Variants in ZNF800 observed in about 807,000 individuals in gnomAD.
ZNF800 encodes the protein zinc finger protein 800.
Under a neutral mutation model 59.5 loss-of-function variants are expected in ZNF800, and 13 were observed. That is an observed-to-expected ratio of 0.22 (90% CI 0.14 to 0.35). The LOEUF is 0.35. Ranked by LOEUF, ZNF800 falls within the 10% of genes least tolerant of loss-of-function variation. The pLI is 1.00. For synonymous variants in ZNF800, 266 were observed against 265.7 expected, an observed-to-expected ratio of 1.00 and a Z score of -0.01; for missense variants, 621 against 783.7, an observed-to-expected ratio of 0.79 and a Z score of 2.48.
At chr7:127,383,724 T>C (rs1801043343) in intron 3 of ZNF800, among the ~76,000 whole-genome samples, 2 of 152,200 alleles carry the variant, frequency 1.3e-5, no homozygotes, top group Admixed American at 6.5e-5. Context: ...AACTAAAATT[T>C]CTTAGTTACA....
chr7:127,351,892 A>C (rs1216156089), intron 1 of ZNF800, among the ~76,000 whole-genome samples: 1 of 152,238 alleles, frequency 6.6e-6, no homozygotes, highest in Non-Finnish European at 1.5e-5. Context: ...AAGATGTAAA[A>C]TCAAATGTAT....
At chr7:127,351,167 C>A (rs1156669268) in intron 1 of ZNF800, among the ~76,000 whole-genome samples, 1 of 152,120 alleles carries the variant, frequency 6.6e-6, no homozygotes, top group Non-Finnish European at 1.5e-5. Context: ...ACCTTTGAGT[C>A]AAACTATTTG....
intron 1 of ZNF800, among the ~76,000 whole-genome samples, chr7:127,351,924 C>T (rs1800174732): frequency 6.6e-6 from 1 of 152,148 alleles, no homozygotes; most frequent in African/African-American, 2.4e-5. Context: ...GCAGCAACTT[C>T]AAGATCATCT....
intron 4 of ZNF800, 131 bp from the exon 5 acceptor site, chr7:127,375,165 T>A: frequency 1.4e-6 from 1 of 740,610 alleles, no homozygotes; most frequent in Non-Finnish European, 2.0e-6. Context: ...AAGAGCATTA[T>A]CTACTTTTCA....
intron 3 of ZNF800, among the ~76,000 whole-genome samples, chr7:127,381,570 A>C (rs1482548875): frequency 6.6e-6 from 1 of 152,186 alleles, no homozygotes; most frequent in African/African-American, 2.4e-5. Context: ...TTGAGCACAC[A>C]TTAAATACCA....
Position 127,374,940 on chromosome 7 carries a change from C to T in ZNF800, c.396G>A (p.Lys132=), listed in dbSNP as rs1587441465. The T allele has an allele frequency of 1.2e-6, 2 of 1,613,610 alleles. No individual in the cohort carries two copies. Among genetic ancestry groups the T allele is most frequent in the South Asian group, 2.2e-5 (2 of 91,060 alleles). Residue 132 remains lysine, a synonymous_variant, in exon 5 of 6, where the codon AAG becomes AAA. Coordinates refer to ENST00000265827, the MANE Select transcript of ZNF800 (RefSeq NM_176814.5). ...PSVDKREYII[K]LEPIETNQNA... ...TTTGATTAGTTTCTATGGGTTCTAG[C>T]TTAATAATATATTCTCGTTTGTCCA...
intron 3 of ZNF800, among the ~76,000 whole-genome samples, chr7:127,381,695 A>T (rs544084920): frequency 1.2e-4 from 18 of 152,232 alleles, no homozygotes; most frequent in Admixed American, 5.9e-4. Flanking sequence ...ACATGCTTTG[A>T]ATATGAATGT....
intron 5 of ZNF800, chr7:127,372,680 A>AG: frequency 1.0e-6 from 1 of 985,118 alleles, no homozygotes; most frequent in East Asian, 1.1e-4. Context: ...AAACTAAAAA[A>AG]CAGTAACTAA....
intron 3 of ZNF800, among the ~76,000 whole-genome samples, chr7:127,381,312 G>A (rs1206965857): frequency 2.6e-5 from 4 of 152,026 alleles, no homozygotes; most frequent in Non-Finnish European, 4.4e-5. Flanking sequence ...ATAAATGTAC[G>A]TTCCTCATCA....
At position 127,373,521 on chromosome 7, in the gene ZNF800, G is replaced by A. The variant is rs76411607; in HGVS notation, c.1815C>T (p.Val605=). The A allele has an allele frequency of 2.8e-3, 4,539 of 1,614,028 alleles. 112 individuals are homozygous for A. In the African/African-American group the frequency reaches 0.054, roughly 19 times the overall value. ...TTTTTGTGACTTTTACTTCAATACC[G>A]ACGTCAGCTACTTCATACTTTTTAC... ...SPSKKYEVAD[V]GIEVKVTKNF... is the part of the protein sequence containing the mutation. The change falls in exon 5 of 6, where the codon GTC becomes GTT. Residue 605 remains valine, a synonymous_variant. Transcript: ENST00000265827.
At position 127,363,725 on chromosome 7, in the gene ZNF800, C is replaced by T. The variant is rs374723664; in HGVS notation, n.224+9617G>A. ...AACCAAATGAAATCAAGACAATGCT[C>T]CTGGACTTCTAAAATACTGAGTAAG... On this transcript the variant is annotated intron_variant and non_coding_transcript_variant, in intron 1 of 1. Coordinates refer to the ZNF800 transcript ENST00000485577. 4.6e-5 allele frequency: 7 copies of T among 151,908 alleles called. 1 individual carries two copies. In the East Asian group the frequency reaches 5.8e-4, roughly 13 times the overall value. The allele number at this position is 151,908 out of a possible 1,614,324, so 9.4% of individuals were successfully genotyped here. A position where few individuals can be genotyped will look rare whatever the true frequency, so the allele number is the denominator to read the frequency against.
chr7:127,374,674 G>A lies in ZNF800; in HGVS notation c.662C>T (p.Ser221Phe). The A allele has an allele frequency of 6.2e-7, 1 of 1,613,978 alleles. No homozygotes were observed. Among genetic ancestry groups the A allele is most frequent in the Non-Finnish European group, 8.5e-7 (1 of 1,179,900 alleles). The change falls in exon 5 of 6, where the codon TCT becomes TTT. Residue 221 changes from serine to phenylalanine, a missense_variant. Coordinates refer to ENST00000265827, the MANE Select transcript of ZNF800 (RefSeq NM_176814.5). ...CTGGTGACCAAAATCAGAATTGTCA[G>A]AAGTTTCCAAGTCAGCCTGCGACTC... Reference protein sequence around the residue: ...PQESQADLETSDNSDFGHQLI... With the variant: ...PQESQADLETFDNSDFGHQLI...
chr7:127,392,221 G>A lies in ZNF800; in HGVS notation c.-220C>T, dbSNP rs1045861331. On this transcript the variant is annotated 5_prime_UTR_variant, in exon 1 of 6. Transcript: ENST00000265827. ...CTCGGGCCCGACGCGCTCCCAAAGA[G>A]TCCCCGCCGGCGCTGACGCGGAAGC... 2.2e-4 allele frequency: 88 copies of A among 394,608 alleles called. No homozygotes were observed. The East Asian group carries it at 3.1e-3, about 14-fold the overall frequency. The allele number at this position is 394,608 out of a possible 1,614,324, so 24.4% of individuals were successfully genotyped here.
chr7:127,369,461 G>A (rs1361944), downstream of ZNF800, among the ~76,000 whole-genome samples: 139,650 of 152,166 alleles, frequency 0.92, 64,155 homozygotes, highest in East Asian at 1. Flanking sequence ...AGCCCCTGAA[G>A]TGACAGAGCT....
intron 2 of ZNF800, among the ~76,000 whole-genome samples, chr7:127,387,634 G>A (rs533751016): frequency 1.4e-4 from 21 of 152,272 alleles, no homozygotes; most frequent in Middle Eastern, 3.4e-3. Context: ...GCCAAGGCAG[G>A]AGGATTACTT....
At position 127,377,230 on chromosome 7, in the gene ZNF800, G is replaced by T; in HGVS notation, c.257C>A (p.Thr86Asn). 8.7e-6 allele frequency: 14 copies of T among 1,612,082 alleles called. No individual in the cohort carries two copies. The highest frequency in any genetic ancestry group is 1.1e-5 in the Non-Finnish European group (13 of 1,178,734). ...TGGTGGGCAGTAGAATTTTTTATGG[G>T]TAATTAAATTTGGTAATCCTCTGAA... ...SLFRGLPNLI[T>N]HKKFYCPPSL... Residue 86 changes from threonine (T) to asparagine (N), a missense_variant, in exon 4 of 6, where the codon ACC becomes AAC. This residue lies in a region of ZNF800 where 12 missense variants were observed against 34.4 expected (regional missense o/e 0.35). Transcript: ENST00000265827. The surrounding 1 kb of genome is among the most constrained non-coding windows in gnomAD (Gnocchi z 4.7).
chr7:127,385,164 A>G (rs1801099613), intron 3 of ZNF800, among the ~76,000 whole-genome samples: 1 of 152,242 alleles, frequency 6.6e-6, no homozygotes, highest in Non-Finnish European at 1.5e-5. Flanking sequence ...AAGTAGTTAC[A>G]TATGAATTAT....
intron 2 of ZNF800, among the ~76,000 whole-genome samples, chr7:127,390,381 G>A (rs142449347): frequency 1.1e-3 from 165 of 152,280 alleles, no homozygotes; most frequent in African/African-American, 3.9e-3. Flanking sequence ...TCCCATCCAA[G>A]GATTGCCTGT....
At chr7:127,362,914 A>C (rs910119312) in intron 1 of ZNF800, 1 of 152,150 alleles carries the variant, frequency 6.6e-6, no homozygotes, top group African/African-American at 2.4e-5. Context: ...AGACTACTGC[A>C]ATAGTGAAGG....
Sources: gnomAD v4.1 joint callset for allele counts (sites outside exome capture counted in the v4.1 genomes callset) on GRCh38, gnomAD v4.1.1 for gene constraint, gnomAD v4.1.1 regional missense constraint, Gnocchi (gnomAD v3.1) non-coding constraint, MANE v1.5 for transcripts, NCBI Gene and HGNC (gene_info 2026-07-23, HGNC 2026-07-21) for gene names.